The following CDA variants were observed in gnomAD, a reference collection of about 807,000 sequenced individuals.
CDA encodes cytidine deaminase, also known as cytidine aminohydrolase.
A neutral mutation model predicts 15.0 loss-of-function variants in CDA; 7 were observed. The ratio of observed to expected loss-of-function variants is 0.47; its 90% confidence interval spans 0.26 to 0.87. The LOEUF is 0.87. Ranked by LOEUF, CDA falls within the 40% of genes least tolerant of loss-of-function variation. The pLI is 0.15. For missense variants in CDA, 159 were observed against 182.7 expected (o/e 0.87, Z 0.75); for synonymous variants, 58 against 73.0 (o/e 0.79, Z 1.05).
rs2052842327 is a variant in CDA at position 20,618,590 on chromosome 1, C to T, written c.*22C>T. 4 of 1,351,614 alleles carry T rather than the reference C, an allele frequency of 3.0e-6. No individual in the cohort carries two copies. In the Middle Eastern group the frequency reaches 5.4e-4, roughly 182 times the overall value. 83.7% of individuals were successfully genotyped at this position (1,351,614 alleles called of 1,614,324 possible). A position where few individuals can be genotyped will look rare whatever the true frequency, so the allele number is the denominator to read the frequency against. On this transcript the variant is annotated 3_prime_UTR_variant, in exon 4 of 4. Transcript: ENST00000375071. Reference sequence around the variant, plus strand: ...GTGACAGCCAGAGAATGCCCACTGCCTGTAACAGCCACCTGGAGAACTTCA... The same window carrying T: ...GTGACAGCCAGAGAATGCCCACTGCTTGTAACAGCCACCTGGAGAACTTCA...
rs144359319 is a variant in CDA, at chr1:20,603,034, G to A, written c.155-1894G>A. 2.1e-3 allele frequency among the ~76,000 whole-genome samples: 322 copies of A among 152,336 alleles called. 2 individuals carry two copies. Among genetic ancestry groups the A allele is most frequent in the African/African-American group, 7.3e-3 (305 of 41,568 alleles). ...CCCATTGCCAGGGAGAGAAATTTCAGTGGTGGGTACCACGGCCTGCCTTCC... is the reference window on the plus strand; with the variant it reads ...CCCATTGCCAGGGAGAGAAATTTCAATGGTGGGTACCACGGCCTGCCTTCC... On this transcript the variant is annotated intron_variant, in intron 1 of 3. Coordinates refer to ENST00000375071, the MANE Select transcript of CDA (RefSeq NM_001785.3).
rs768383517 is a variant in CDA, at chr1:20,618,511, G to A, written c.384G>A (p.Thr128=). The part of the protein sequence containing the change: ...TKPDGTYIVM[T]VQELLPSSFG... ...CGGATGGTACGTATATTGTCATGAC[G>A]GTCCAGGAGCTGCTGCCCTCCTCCT... is the stretch of plus-strand genomic sequence containing the variant. Residue 128 remains threonine, a synonymous_variant, in exon 4 of 4, where the codon ACG becomes ACA. Coordinates refer to ENST00000375071, the MANE Select transcript of CDA (RefSeq NM_001785.3). 9.3e-6 allele frequency: 15 copies of A among 1,613,628 alleles called. No homozygotes were observed. Among genetic ancestry groups the A allele is most frequent in the East Asian group, 2.2e-5 (1 of 44,858 alleles).
chr1:20,616,593 C>T (rs1222315993), intron 3 of CDA, among the ~76,000 whole-genome samples: 1 of 152,176 alleles, frequency 6.6e-6, no homozygotes, highest in African/African-American at 2.4e-5. Flanking sequence ...AAGTCCCTGG[C>T]TCCCAAGGCC....
At chr1:20,617,535 T>G (rs1245212257) in intron 3 of CDA, among the ~76,000 whole-genome samples, 1 of 152,124 alleles carries the variant, frequency 6.6e-6, no homozygotes, top group Non-Finnish European at 1.5e-5. Context: ...TCTCATGAGA[T>G]CTGATGGTTT....
chr1:20,604,544 A>G (rs995981798), intron 1 of CDA, among the ~76,000 whole-genome samples: 3 of 152,178 alleles, frequency 2.0e-5, no homozygotes, highest in African/African-American at 7.2e-5. Context: ...CATTCAGACC[A>G]TGGGGCTCTT....
intron 2 of CDA, among the ~76,000 whole-genome samples, chr1:20,610,947 A>G (rs912071279): frequency 2.0e-5 from 3 of 152,178 alleles, no homozygotes; most frequent in African/African-American, 4.8e-5. Context: ...CAAAATTTAA[A>G]TCCTGTGTTC....
chr1:20,599,124 G>A (rs755928021), intron 1 of CDA, among the ~76,000 whole-genome samples: 3 of 152,182 alleles, frequency 2.0e-5, no homozygotes, highest in Non-Finnish European at 4.4e-5. Flanking sequence ...TGAGTAGGGT[G>A]AATAGTGCGC....
chr1:20,617,815 CCTT>C (rs71010583), intron 3 of CDA, among the ~76,000 whole-genome samples: 54,935 of 151,220 alleles, frequency 0.36, 10,103 homozygotes, highest in Middle Eastern at 0.44. Context: ...CTGCCTCAAG[CCTT>C]CTGAGTAGCT....
intron 1 of CDA, among the ~76,000 whole-genome samples, chr1:20,604,412 C>T (rs1200416926): frequency 1.3e-5 from 2 of 152,156 alleles, no homozygotes; most frequent in Non-Finnish European, 2.9e-5. Context: ...GTGCATGACT[C>T]CCATTCCTAG....
chr1:20,593,903 G>A (rs1264891475), intron 1 of CDA, among the ~76,000 whole-genome samples: 1 of 152,156 alleles, frequency 6.6e-6, no homozygotes, highest in Non-Finnish European at 1.5e-5. Flanking sequence ...TACTGAAGTA[G>A]GAAGTGAGGC....
chr1:20,605,280 C>A (rs1409479892), intron 2 of CDA, among the ~76,000 whole-genome samples: 1 of 152,030 alleles, frequency 6.6e-6, no homozygotes, highest in Non-Finnish European at 1.5e-5. Flanking sequence ...ATACAAGGGC[C>A]AGTATGCCCC....
chr1:20,592,207 C>CTTTT (rs1316161910), intron 1 of CDA, among the ~76,000 whole-genome samples: 1 of 152,162 alleles, frequency 6.6e-6, no homozygotes, highest in Non-Finnish European at 1.5e-5. Context: ...CCAGATTCAG[C>CTTTT]TGGTATGCTG....
rs756878273 is a variant in CDA at position 20,618,592 on chromosome 1, G to A, written c.*24G>A. 3.7e-6 allele frequency: 5 copies of A among 1,350,422 alleles called. No individual in the cohort carries two copies. Among genetic ancestry groups the A allele is most frequent in the African/African-American group, 2.9e-5 (2 of 69,796 alleles). The allele number at this position is 1,350,422 out of a possible 1,614,324, so 83.7% of individuals were successfully genotyped here. A position where few individuals can be genotyped will look rare whatever the true frequency, so the allele number is the denominator to read the frequency against. On this transcript the variant is annotated 3_prime_UTR_variant, in exon 4 of 4. Transcript: ENST00000375071. ...GACAGCCAGAGAATGCCCACTGCCT[G>A]TAACAGCCACCTGGAGAACTTCATA...
At position 20,611,567 on chromosome 1, in the gene CDA, G is replaced by A. The variant is rs192411341; in HGVS notation, c.267-2275G>A. Reference sequence around the variant, plus strand: ...AGCTAATTTTTGTATTTTTAGTAGCGATGGGGTCCCACCATGTTGGCCAGG... The same window carrying A: ...AGCTAATTTTTGTATTTTTAGTAGCAATGGGGTCCCACCATGTTGGCCAGG... On this transcript the variant is annotated intron_variant, in intron 2 of 3. Coordinates refer to ENST00000375071, the MANE Select transcript of CDA (RefSeq NM_001785.3). Among the ~76,000 whole-genome samples the A allele has an allele frequency of 8.9e-4, 135 of 152,220 alleles. 2 individuals are homozygous for A. The highest frequency in any genetic ancestry group is 2.1e-4 in the South Asian group (1 of 4,822).
At chr1:20,603,906 C>T (rs1570381037) in intron 1 of CDA, among the ~76,000 whole-genome samples, 1 of 152,158 alleles carries the variant, frequency 6.6e-6, no homozygotes, top group South Asian at 2.1e-4. Context: ...CCAGCAACAA[C>T]CCTGAGAGAG....
At chr1:20,613,979 TGGCAGGCATGGCAGGCGTG>T in intron 3 of CDA, 80 bp downstream of exon 3, 2 of 1,252,522 alleles carry the variant, frequency 1.6e-6, no homozygotes. Flanking sequence ...GTTGCAGGCA[TGGCAGGCATGGCAGGCGTG>T]GAGACACAGC....
chr1:20,609,802 C>G lies in CDA; in HGVS notation c.267-4040C>G, dbSNP rs546339584. Among the ~76,000 whole-genome samples, 22 of 152,278 alleles carry G rather than the reference C, an allele frequency of 1.4e-4. No homozygotes were observed. In the South Asian group the frequency reaches 3.9e-3, roughly 27 times the overall value. ...GAGGCCCTGGCTGCAACAGCTGTCACCCAGTAATTCCAAGAGTTCACTCGG... is the reference window on the plus strand; with the variant it reads ...GAGGCCCTGGCTGCAACAGCTGTCAGCCAGTAATTCCAAGAGTTCACTCGG... On this transcript the variant is annotated intron_variant, in intron 2 of 3. Transcript: ENST00000375071.
At chr1:20,607,219 C>A (rs2052701849) in intron 2 of CDA, among the ~76,000 whole-genome samples, 8 of 152,178 alleles carry the variant, frequency 5.3e-5, no homozygotes. Flanking sequence ...CAGAAGCAAG[C>A]CCACGTGCCT....
chr1:20,603,346 C>T (rs2052664806), intron 1 of CDA, among the ~76,000 whole-genome samples: 1 of 152,192 alleles, frequency 6.6e-6, no homozygotes, highest in African/African-American at 2.4e-5. Flanking sequence ...GGCAAACGGG[C>T]AACTCTGCCC....
Sources: allele counts gnomAD v4.1 joint callset (sites outside exome capture counted in the v4.1 genomes callset), GRCh38; gene constraint gnomAD v4.1.1; transcripts MANE v1.5; gene names NCBI Gene and HGNC (gene_info 2026-07-23, HGNC 2026-07-21).